The following ASPRV1 variants were observed in gnomAD, a reference collection of about 807,000 sequenced individuals.
ASPRV1 encodes the protein aspartic peptidase retroviral like 1, also known as retroviral-like aspartic protease 1.
In ASPRV1, 7 loss-of-function variants were observed where a neutral mutation model predicts 11.0. The ratio of observed to expected loss-of-function variants is 0.64; its 90% CI spans 0.36 to 1.20. ASPRV1 has a LOEUF of 1.20. Ranked by LOEUF, ASPRV1 falls within the 50% of genes most tolerant of loss-of-function variation. The pLI is 0.02. For missense variants in ASPRV1, 299 were observed against 320.0 expected, an observed-to-expected ratio of 0.93 and a Z score of 0.50; for synonymous variants, 136 against 138.4, an observed-to-expected ratio of 0.98 and a Z score of 0.12.
the ASPRV1 span, among the ~76,000 whole-genome samples, chr2:69,953,376 C>A: frequency 6.6e-6 from 1 of 152,234 alleles, no homozygotes; most frequent in Non-Finnish European, 1.5e-5. Flanking sequence ...CGGGACAGCA[C>A]ATGGGGTGGG....
the ASPRV1 span, among the ~76,000 whole-genome samples, chr2:69,983,066 G>A: frequency 6.6e-6 from 1 of 152,128 alleles, no homozygotes; most frequent in South Asian, 2.1e-4. Context: ...TTACAGGTGT[G>A]TGCCACCACT....
the ASPRV1 span, chr2:70,056,724 CTTTTGT>C: frequency 7.2e-4 from 109 of 151,804 alleles, no homozygotes; most frequent in African/African-American, 2.4e-3. Flanking sequence ...TTTACAACTG[CTTTTGT>C]TTTGTTTTGT....
chr2:69,947,686 G>A, the ASPRV1 span, among the ~76,000 whole-genome samples: 1 of 152,166 alleles, frequency 6.6e-6, no homozygotes, highest in Admixed American at 6.5e-5. Context: ...ACGGAAGTGA[G>A]GTTGACTAAG....
the ASPRV1 span, among the ~76,000 whole-genome samples, chr2:70,067,195 A>G: frequency 1.6e-4 from 25 of 152,342 alleles, no homozygotes; most frequent in South Asian, 1.7e-3. Flanking sequence ...GGTAGGGAGG[A>G]CAAGTCCTAG....
At chr2:69,956,451 G>GGAAGAA (rs112463800), downstream of ASPRV1, among the ~76,000 whole-genome samples, 1,050 of 98,046 alleles carry the variant, frequency 0.011, 74 homozygotes, top group South Asian at 0.049. Flanking sequence ...AAGGAGAAGA[G>GGAAGAA]GAAGAAGAAG....
At chr2:69,969,668 C>A in the ASPRV1 span, among the ~76,000 whole-genome samples, 1 of 152,158 alleles carries the variant, frequency 6.6e-6, no homozygotes, top group African/African-American at 2.4e-5. Flanking sequence ...CCCAGCTGCC[C>A]ACCTTACATG....
At chr2:70,053,360 G>C in the ASPRV1 span, among the ~76,000 whole-genome samples, 1 of 152,068 alleles carries the variant, frequency 6.6e-6, no homozygotes, top group East Asian at 1.9e-4. Flanking sequence ...TCTTTAGCCT[G>C]GGGTGGGGGG....
chr2:69,984,779 C>G, the ASPRV1 span, among the ~76,000 whole-genome samples: 1 of 151,530 alleles, frequency 6.6e-6, no homozygotes, highest in Non-Finnish European at 1.5e-5. Context: ...TGGCACCACG[C>G]CCAGTTTTTT....
the ASPRV1 span, among the ~76,000 whole-genome samples, chr2:70,043,844 T>C: frequency 2.7e-4 from 41 of 152,156 alleles, no homozygotes; most frequent in Admixed American, 2.3e-3. Context: ...CCAGACAACA[T>C]TGTGCCTCCA....
the ASPRV1 span, among the ~76,000 whole-genome samples, chr2:70,033,201 C>T: frequency 6.6e-6 from 1 of 151,682 alleles, no homozygotes; most frequent in Non-Finnish European, 1.5e-5. Context: ...CCTCCTGAGG[C>T]GGATCTCTTC....
chr2:70,033,401 G>A, the ASPRV1 span, among the ~76,000 whole-genome samples: 1 of 151,876 alleles, frequency 6.6e-6, no homozygotes, highest in African/African-American at 2.4e-5. Flanking sequence ...ACACTGCTTG[G>A]CCCCTTTATC....
downstream of ASPRV1, among the ~76,000 whole-genome samples, chr2:69,955,209 G>T (rs189265132): frequency 5.5e-4 from 84 of 151,864 alleles, 1 homozygote; most frequent in Non-Finnish European, 1.1e-3. Context: ...AGGACCAGGT[G>T]GGCAGACCAG....
chr2:70,018,062 C>T, the ASPRV1 span: 1 of 151,950 alleles, frequency 6.6e-6, no homozygotes, highest in African/African-American at 2.4e-5. Context: ...ATCACTTGAT[C>T]CCAGGAGGCG....
chr2:69,938,345 G>A, the ASPRV1 span: 7 of 1,540,714 alleles, frequency 4.5e-6, no homozygotes, highest in East Asian at 2.3e-5. Context: ...ATTAGGTAAC[G>A]TATTGGACCT....
the ASPRV1 span, among the ~76,000 whole-genome samples, chr2:70,060,260 G>GA: frequency 6.9e-6 from 1 of 145,306 alleles, no homozygotes; most frequent in Non-Finnish European, 1.5e-5. Flanking sequence ...AGAATTACTT[G>GA]AACTCAGGAG....
chr2:70,077,570 T>C, the ASPRV1 span, among the ~76,000 whole-genome samples: 56 of 152,314 alleles, frequency 3.7e-4, no homozygotes, highest in African/African-American at 1.3e-3. Flanking sequence ...ACAGAAACTG[T>C]CAGCCAGGCA....
At chr2:69,955,666 G>A (rs1227520632), downstream of ASPRV1, among the ~76,000 whole-genome samples, 6 of 152,188 alleles carry the variant, frequency 3.9e-5, no homozygotes, top group East Asian at 7.7e-4. Context: ...GCTTGTAAGC[G>A]TGATGATTGG....
chr2:69,956,986 A>G (rs368755130), downstream of ASPRV1, among the ~76,000 whole-genome samples: 28 of 152,316 alleles, frequency 1.8e-4, no homozygotes, highest in South Asian at 5.6e-3. Flanking sequence ...TACTCAGATT[A>G]AAGGAGATGA....
At chr2:70,030,238 A>C in the ASPRV1 span, 4 of 152,328 alleles carry the variant, frequency 2.6e-5, no homozygotes, top group Admixed American at 2.6e-4. Flanking sequence ...GGCTGGGGGA[A>C]GGGATGAAAT....
Sources: gnomAD v4.1 joint callset for allele counts (sites outside exome capture counted in the v4.1 genomes callset) on GRCh38, gnomAD v4.1.1 for gene constraint, MANE v1.5 for transcripts, NCBI Gene and HGNC (gene_info 2026-07-23, HGNC 2026-07-21) for gene names.